UHMK1: variants seen among roughly 807,000 people sequenced by gnomAD.
The protein encoded by UHMK1 is serine/threonine-protein kinase Kist.
In UHMK1, 18 loss-of-function variants were observed where a neutral mutation model predicts 44.0. That is an observed-to-expected ratio of 0.41 (90% CI 0.28 to 0.61). The LOEUF (loss-of-function observed/expected upper bound fraction) is 0.61. Among genes scored for constraint, UHMK1 ranks in the 20% least tolerant of loss-of-function variants. UHMK1 has a pLI of 0.31. For missense variants in UHMK1, 463 were observed against 522.5 expected (o/e 0.89, Z 1.11); for synonymous variants, 231 against 198.5 (o/e 1.16, Z -1.38).
rs1172634075 is a variant in UHMK1 at position 162,529,159 on chromosome 1, A to T, written c.*6609A>T. 1 of 152,022 alleles carries T rather than the reference A, an allele frequency of 6.6e-6. No homozygotes were observed. Among genetic ancestry groups the T allele is most frequent in the Non-Finnish European group, 1.5e-5 (1 of 67,966 alleles). 9.4% of individuals were successfully genotyped at this position (152,022 alleles called of 1,614,324 possible). On this transcript the variant is annotated 3_prime_UTR_variant, in exon 8 of 8. Transcript: ENST00000489294. The stretch of plus-strand genomic sequence containing the variant: ...TACATAGTGAATAGTTGTCTGTAAC[A>T]TTTCTACCAGTTGTTTCAGTAGCAT...
intron 1 of UHMK1, among the ~76,000 whole-genome samples, 166 bp downstream of exon 1, chr1:162,498,434 T>C (rs1231912677): frequency 1.3e-5 from 2 of 152,212 alleles, no homozygotes; most frequent in Non-Finnish European, 2.9e-5. Context: ...TATTACTGTC[T>C]GCGGTATAGT....
At chr1:162,517,719 T>A (rs1359601883) in intron 6 of UHMK1, among the ~76,000 whole-genome samples, 9 of 151,988 alleles carry the variant, frequency 5.9e-5, no homozygotes, top group African/African-American at 1.9e-4. Flanking sequence ...ACCCCATCTC[T>A]ACTAAACATA....
intron 6 of UHMK1, among the ~76,000 whole-genome samples, chr1:162,513,916 T>C (rs1557944882): frequency 6.6e-6 from 1 of 152,214 alleles, no homozygotes; most frequent in Non-Finnish European, 1.5e-5. Flanking sequence ...TATCTGTTCT[T>C]TGTTGAATGC....
chr1:162,514,375 CTA>C (rs1231697167), intron 6 of UHMK1, among the ~76,000 whole-genome samples: 1 of 151,638 alleles, frequency 6.6e-6, no homozygotes, highest in Non-Finnish European at 1.5e-5. Context: ...AAGAAGGAAA[CTA>C]TAGTTTCCTC....
At position 162,500,574 on chromosome 1, in the gene UHMK1, G is replaced by T. The variant is rs562700462; in HGVS notation, c.561+327G>T. The T allele has an allele frequency of 1.9e-4, 78 of 400,824 alleles. 1 individual carries two copies. The South Asian group carries it at 2.9e-3, about 15-fold the overall frequency. The allele number at this position is 400,824 out of a possible 1,614,324, so 24.8% of individuals were successfully genotyped here. ...TATTCCTGGTCTCTTCAGTGTTGGGGCTGTATCTCGTGGCAGAATGCATAT... is the reference window on the plus strand; with the variant it reads ...TATTCCTGGTCTCTTCAGTGTTGGGTCTGTATCTCGTGGCAGAATGCATAT... On this transcript the variant is annotated intron_variant, in intron 2 of 7. Coordinates refer to ENST00000489294, the MANE Select transcript of UHMK1 (RefSeq NM_175866.5).
chr1:162,498,286 C>G lies in UHMK1; in HGVS notation c.268+18C>G. On this transcript the variant is annotated intron_variant, in intron 1 of 7. Coordinates refer to ENST00000489294, the MANE Select transcript of UHMK1 (RefSeq NM_175866.5). ...AAACATCGGTAATTGCCGCTGTCTCCTTTCTCTTCTTGCCCAGGTCACAGT... is the reference window on the plus strand; with the variant it reads ...AAACATCGGTAATTGCCGCTGTCTCGTTTCTCTTCTTGCCCAGGTCACAGT... The G allele has an allele frequency of 1.3e-6, 2 of 1,566,640 alleles. No homozygotes were observed. Among genetic ancestry groups the G allele is most frequent in the Middle Eastern group, 1.7e-4 (1 of 5,870 alleles).
rs1652228513 is a variant in UHMK1, at chr1:162,525,876, T to A, written c.*3326T>A. On this transcript the variant is annotated 3_prime_UTR_variant, in exon 8 of 8. Coordinates refer to ENST00000489294, the MANE Select transcript of UHMK1 (RefSeq NM_175866.5). ...ATTGCCTTCTTTTTGGTACTCCAGC[T>A]GCTAAAGAGTGCTGAGATATGTTAA... 1 of 152,210 alleles carries A rather than the reference T, an allele frequency of 6.6e-6. No individual in the cohort carries two copies. The highest frequency in any genetic ancestry group is 2.1e-4 in the South Asian group (1 of 4,828). 9.4% of individuals were successfully genotyped at this position (152,210 alleles called of 1,614,324 possible).
rs1415994043 is a variant in UHMK1 at position 162,500,069 on chromosome 1, A to G, written c.383A>G (p.Gln128Arg). The change falls in exon 2 of 8, where the codon CAG becomes CGG. Residue 128 changes from glutamine to arginine, a missense_variant. Physicochemically the swap from Gln to Arg is conservative, Grantham distance 43 (BLOSUM62 1). Coordinates refer to ENST00000489294, the MANE Select transcript of UHMK1 (RefSeq NM_175866.5). ...GAATTGCTCTTATATTCCAGTCACCAGGGTTGTTCCATGTGGATGATACAG... is the reference window on the plus strand; with the variant it reads ...GAATTGCTCTTATATTCCAGTCACCGGGGTTGTTCCATGTGGATGATACAG... ...VSELLLYSSH[Q>R]GCSMWMIQHC... 4 of 1,614,216 alleles carry G rather than the reference A, an allele frequency of 2.5e-6. No homozygotes were observed. Among genetic ancestry groups the G allele is most frequent in the African/African-American group, 1.3e-5 (1 of 75,062 alleles).
At chr1:162,519,834 T>A (rs768910) in intron 7 of UHMK1, among the ~76,000 whole-genome samples, 68,455 of 151,898 alleles carry the variant, frequency 0.45, 15,476 homozygotes, top group East Asian at 0.47. Flanking sequence ...ACAAAAAAAA[T>A]GTCTCTAGAC....
At position 162,526,052 on chromosome 1, in the gene UHMK1, T is replaced by G. The variant is rs909459480; in HGVS notation, c.*3502T>G. ...AAACCATGGGCAGAAGGCTTTTTTC[T>G]GTCTTATTACACTGGACCTTCACTC... On this transcript the variant is annotated 3_prime_UTR_variant, in exon 8 of 8. Transcript: ENST00000489294. The G allele has an allele frequency of 6.6e-6, 1 of 152,194 alleles. No individual in the cohort carries two copies. Among genetic ancestry groups the G allele is most frequent in the African/African-American group, 2.4e-5 (1 of 41,456 alleles). The allele number at this position is 152,194 out of a possible 1,614,324, so 9.4% of individuals were successfully genotyped here. A position where few individuals can be genotyped will look rare whatever the true frequency, so the allele number is the denominator to read the frequency against.
chr1:162,500,718 A>G (rs1651238642), intron 2 of UHMK1, 195 bp from the exon 3 acceptor site: 1 of 567,614 alleles, frequency 1.8e-6, no homozygotes, highest in Non-Finnish European at 3.1e-6. Flanking sequence ...TGAGCGCTAT[A>G]TGGAAATGTA....
At chr1:162,514,672 A>G (rs1023317622) in intron 6 of UHMK1, among the ~76,000 whole-genome samples, 1 of 152,228 alleles carries the variant, frequency 6.6e-6, no homozygotes, top group African/African-American at 2.4e-5. Context: ...GACTAAGTGG[A>G]TATGAGAGCA....
chr1:162,512,475 T>A (rs1651699045), intron 4 of UHMK1, 25 bp from the exon 5 acceptor site: 2 of 1,578,580 alleles, frequency 1.3e-6, no homozygotes, highest in South Asian at 2.4e-5. Context: ...GCAGAAATGA[T>A]AAGGCACCTA....
intron 2 of UHMK1, 133 bp from the exon 3 acceptor site, chr1:162,500,780 C>T (rs1651239758): frequency 1.2e-6 from 1 of 803,120 alleles, no homozygotes. Context: ...TTATGGTAAT[C>T]AAGGACTAAA....
chr1:162,518,238 T>G, intron 7 of UHMK1, 48 bp downstream of exon 7: 2 of 1,403,800 alleles, frequency 1.4e-6, no homozygotes, highest in Non-Finnish European at 2.0e-6. Flanking sequence ...GTTATTAAAA[T>G]TCTGTGTTAA....
intron 7 of UHMK1, among the ~76,000 whole-genome samples, chr1:162,521,571 A>G (rs894163675): frequency 1.3e-5 from 2 of 151,994 alleles, no homozygotes; most frequent in Non-Finnish European, 2.9e-5. Context: ...GATCCTCCCA[A>G]CTCTGCCTCC....
chr1:162,521,257 AAAT>A (rs545359437), intron 7 of UHMK1, among the ~76,000 whole-genome samples: 301 of 152,334 alleles, frequency 2.0e-3, no homozygotes, highest in Middle Eastern at 3.4e-3. Flanking sequence ...TAATTTATAA[AAAT>A]AAGATGCCTT....
At chr1:162,500,410 C>T (rs1651226123) in intron 2 of UHMK1, 163 bp downstream of exon 2, 3 of 804,080 alleles carry the variant, frequency 3.7e-6, no homozygotes, top group Non-Finnish European at 5.6e-6. Context: ...TCAGTGCCAC[C>T]GTGTAAAAAA....
intron 6 of UHMK1, 70 bp from the exon 7 acceptor site, chr1:162,518,031 TA>T: frequency 1.8e-6 from 2 of 1,097,094 alleles, no homozygotes; most frequent in South Asian, 1.4e-5. Flanking sequence ...CTTTGATGAT[TA>T]AAAAATTTAA....
Sources: allele counts gnomAD v4.1 joint callset (sites outside exome capture counted in the v4.1 genomes callset), GRCh38; gene constraint gnomAD v4.1.1; transcripts MANE v1.5; gene names NCBI Gene and HGNC (gene_info 2026-07-23, HGNC 2026-07-21).